The following ADCY8 variants were observed in gnomAD, a reference collection of about 807,000 sequenced individuals.
ADCY8 encodes adenylate cyclase 8, also known as adenylate cyclase type 8.
Under a neutral mutation model 119.7 loss-of-function variants are expected in ADCY8, and 51 were observed. The observed-to-expected ratio is 0.43, with a 90% CI of 0.34 to 0.54. The LOEUF (loss-of-function observed/expected upper bound fraction) is 0.54. Ranked by LOEUF, ADCY8 falls within the 20% of genes least tolerant of loss-of-function variation. The pLI, the probability that ADCY8 is intolerant of heterozygous loss-of-function variation, is 0.03. For synonymous variants in ADCY8, 665 were observed against 651.0 expected (o/e 1.02, Z -0.33); for missense variants, 1,383 against 1,598.8 (o/e 0.87, Z 2.30).
At chr8:130,938,318 CAATT>C (rs1023270455) in intron 4 of ADCY8, among the ~76,000 whole-genome samples, 4 of 152,106 alleles carry the variant, frequency 2.6e-5, no homozygotes, top group African/African-American at 9.7e-5. Context: ...ATGGGGCACT[CAATT>C]AATATTGCCT....
At chr8:130,837,528 T>C (rs1248203559) in intron 11 of ADCY8, among the ~76,000 whole-genome samples, 3 of 152,194 alleles carry the variant, frequency 2.0e-5, no homozygotes, top group African/African-American at 7.2e-5. Context: ...GTATTAGAAG[T>C]AACTGCTTAA....
At chr8:131,007,854 G>C (rs1823172014) in intron 1 of ADCY8, among the ~76,000 whole-genome samples, 2 of 151,948 alleles carry the variant, frequency 1.3e-5, no homozygotes, top group African/African-American at 4.8e-5. Context: ...AATTAGACAT[G>C]CACTTACTGC....
chr8:130,876,117 C>G (rs544878313), intron 8 of ADCY8, among the ~76,000 whole-genome samples: 1 of 151,900 alleles, frequency 6.6e-6, no homozygotes, highest in Non-Finnish European at 1.5e-5. Flanking sequence ...GTGGTGCGAT[C>G]TCAGTTCACT....
intron 11 of ADCY8, among the ~76,000 whole-genome samples, chr8:130,838,454 T>G (rs963545575): frequency 5.9e-5 from 9 of 152,188 alleles, no homozygotes; most frequent in Non-Finnish European, 1.2e-4. Context: ...GTGTCTGAAG[T>G]GACTGGGCAA....
intron 5 of ADCY8, among the ~76,000 whole-genome samples, chr8:130,924,116 A>G (rs1479852519): frequency 6.6e-6 from 1 of 152,178 alleles, no homozygotes; most frequent in African/African-American, 2.4e-5. Flanking sequence ...ACTAAGATAG[A>G]CGGCTTTGAA....
intron 1 of ADCY8, among the ~76,000 whole-genome samples, chr8:131,032,524 A>T (rs1480625727): frequency 2.0e-5 from 3 of 152,186 alleles, no homozygotes; most frequent in East Asian, 3.8e-4. Context: ...CTGTTCCTTT[A>T]TCGAGAAGGT....
chr8:131,011,088 T>G (rs1349825714), intron 1 of ADCY8, among the ~76,000 whole-genome samples: 1 of 152,064 alleles, frequency 6.6e-6, no homozygotes, highest in African/African-American at 2.4e-5. Flanking sequence ...AAATCCAGTC[T>G]TCTGTGCCTC....
At chr8:130,906,058 A>T (rs990009331) in intron 6 of ADCY8, among the ~76,000 whole-genome samples, 1 of 152,252 alleles carries the variant, frequency 6.6e-6, no homozygotes, top group Non-Finnish European at 1.5e-5. Flanking sequence ...CATCTTCCAC[A>T]TAAATATCTT....
intron 11 of ADCY8, among the ~76,000 whole-genome samples, chr8:130,837,993 G>A (rs117666410): frequency 6.4e-4 from 98 of 152,254 alleles, no homozygotes; most frequent in African/African-American, 2.3e-3. Flanking sequence ...ATTCTTTTTG[G>A]TCTTGTTATA....
At chr8:130,921,752 C>T (rs149509708) in intron 5 of ADCY8, among the ~76,000 whole-genome samples, 158 of 152,192 alleles carry the variant, frequency 1.0e-3, no homozygotes, top group African/African-American at 3.6e-3. Flanking sequence ...TGCACCTGGT[C>T]GTTACCCATT....
At chr8:130,994,481 A>G (rs2130749762) in intron 1 of ADCY8, among the ~76,000 whole-genome samples, 1 of 152,306 alleles carries the variant, frequency 6.6e-6, no homozygotes, top group Admixed American at 6.5e-5. Flanking sequence ...CCTTTTTAGT[A>G]TCTCAAGTTG....
chr8:130,987,574 T>A (rs890852313), intron 2 of ADCY8, among the ~76,000 whole-genome samples: 3 of 152,236 alleles, frequency 2.0e-5, no homozygotes, highest in Admixed American at 1.3e-4. Flanking sequence ...CCTATTTGAT[T>A]CTTAATTTAT....
intron 5 of ADCY8, among the ~76,000 whole-genome samples, chr8:130,921,148 A>C (rs1346126577): frequency 6.6e-6 from 1 of 152,222 alleles, no homozygotes; most frequent in Non-Finnish European, 1.5e-5. Context: ...GATTATTCCC[A>C]AATATTAAAA....
intron 12 of ADCY8, among the ~76,000 whole-genome samples, chr8:130,824,126 C>G (rs1563679937): frequency 6.6e-6 from 1 of 152,162 alleles, no homozygotes; most frequent in Non-Finnish European, 1.5e-5. Context: ...CCAAATTCAG[C>G]ATGTTCATTA....
At chr8:130,930,321 A>C (rs1303865256) in intron 5 of ADCY8, among the ~76,000 whole-genome samples, 1 of 150,678 alleles carries the variant, frequency 6.6e-6, no homozygotes, top group Non-Finnish European at 1.5e-5. Flanking sequence ...GCACAATCTC[A>C]GCTCACTGCA....
At chr8:131,013,387 A>G (rs1823371510) in intron 1 of ADCY8, among the ~76,000 whole-genome samples, 1 of 152,176 alleles carries the variant, frequency 6.6e-6, no homozygotes, top group South Asian at 2.1e-4. Context: ...GAGGAAGGGA[A>G]GAGGTCACTT....
Position 130,976,894 on chromosome 8 carries a change from TC to T in ADCY8, c.1110+13498del, listed in dbSNP as rs796518475. On this transcript the variant is annotated intron_variant, in intron 2 of 17. Coordinates refer to ENST00000286355, the MANE Select transcript of ADCY8 (RefSeq NM_001115.3). The stretch of plus-strand genomic sequence containing the variant: ...ACCTTTACATGGAGCTCATTTTATA[TC>T]AAAACAACCTTGGTAGGAATTATTA... Among the ~76,000 whole-genome samples, 6 of 152,320 alleles carry T rather than the reference TC, an allele frequency of 3.9e-5. No individual in the cohort carries two copies. The South Asian group carries it at 1.0e-3, about 26-fold the overall frequency.
chr8:130,946,230 A>G (rs1270884552), intron 3 of ADCY8, among the ~76,000 whole-genome samples: 2 of 152,234 alleles, frequency 1.3e-5, no homozygotes, highest in Non-Finnish European at 2.9e-5. Flanking sequence ...AGTAGTGAGC[A>G]GATGATAGCA....
Position 130,917,666 on chromosome 8 carries a change from C to T in ADCY8, c.1482-7800G>A, listed in dbSNP as rs73717239. Among the ~76,000 whole-genome samples, 1,514 of 152,174 alleles carry T rather than the reference C, an allele frequency of 9.9e-3. 35 individuals are homozygous for T. The highest frequency in any genetic ancestry group is 0.035 in the African/African-American group (1,448 of 41,502). On this transcript the variant is annotated intron_variant, in intron 5 of 17. Transcript: ENST00000286355. ...CAAGTCAGCATTTCCTTGTTGATCC[C>T]GCTCAGGGGAGTTCTGAAGTTCTGA... is the stretch of plus-strand genomic sequence containing the variant.
Sources: allele counts gnomAD v4.1 joint callset (sites outside exome capture counted in the v4.1 genomes callset), GRCh38; gene constraint gnomAD v4.1.1; transcripts MANE v1.5; gene names NCBI Gene and HGNC (gene_info 2026-07-23, HGNC 2026-07-21).